Variants in KATNB1 observed in about 807,000 individuals in gnomAD.
The protein encoded by KATNB1 is katanin p80 WD40 repeat-containing subunit B1.
In KATNB1, 38 loss-of-function variants were observed where a neutral mutation model predicts 82.3. That is an observed-to-expected ratio of 0.46 (90% CI 0.36 to 0.61). KATNB1 has a LOEUF of 0.61. Ranked by LOEUF, KATNB1 falls within the 20% of genes least tolerant of loss-of-function variation. KATNB1 has a pLI of 0.00. For synonymous variants in KATNB1, 361 were observed against 368.7 expected, an observed-to-expected ratio of 0.98 and a Z score of 0.24; for missense variants, 749 against 915.7, an observed-to-expected ratio of 0.82 and a Z score of 2.35.
chr16:57,747,127 C>T (rs1183499179), intron 4 of KATNB1, among the ~76,000 whole-genome samples: 1 of 152,162 alleles, frequency 6.6e-6, no homozygotes, highest in Non-Finnish European at 1.5e-5. Context: ...GGTGATCCGC[C>T]CACTTCAGCC....
intron 16 of KATNB1, 33 bp downstream of exon 16, chr16:57,755,527 C>A (rs368534254): frequency 1.3e-6 from 2 of 1,597,666 alleles, no homozygotes; most frequent in South Asian, 1.1e-5. Flanking sequence ...GGCCTCATCT[C>A]GCCCCCCTGC....
intron 13 of KATNB1, among the ~76,000 whole-genome samples, chr16:57,754,297 C>T (rs1285703873): frequency 1.3e-5 from 2 of 152,170 alleles, no homozygotes; most frequent in Non-Finnish European, 2.9e-5. Context: ...ACTGGGGGCC[C>T]ACCTTAGATG....
intron 16 of KATNB1, 43 bp downstream of exon 16, chr16:57,755,537 C>T (rs782713109): frequency 3.8e-6 from 6 of 1,591,208 alleles, no homozygotes; most frequent in Non-Finnish European, 5.1e-6. Context: ...CGCCCCCCTG[C>T]CCCTGCCACC....
rs1216780065 is a variant in KATNB1, at chr16:57,741,916, T to C, written c.171+99T>C. 8.6e-6 allele frequency: 12 copies of C among 1,402,652 alleles called. No individual in the cohort carries two copies. The African/African-American group carries it at 1.7e-4, about 20-fold the overall frequency. 86.9% of individuals were successfully genotyped at this position (1,402,652 alleles called of 1,614,324 possible). On this transcript the variant is annotated intron_variant, in intron 3 of 19. Coordinates refer to ENST00000379661, the MANE Select transcript of KATNB1 (RefSeq NM_005886.3). Reference sequence around the variant, plus strand: ...AGAGTGAGCAGCTTCTCAGACTCTCTTGAGCCCAGGGCCCCCTATCCGCTG... The same window carrying C: ...AGAGTGAGCAGCTTCTCAGACTCTCCTGAGCCCAGGGCCCCCTATCCGCTG...
Position 57,752,940 on chromosome 16 carries a change from A to G in KATNB1, c.855+12A>G. 2.5e-6 allele frequency: 4 copies of G among 1,601,184 alleles called. No homozygotes were observed. The highest frequency in any genetic ancestry group is 3.4e-6 in the Non-Finnish European group (4 of 1,179,342). ...GCAATGACCAGTTGGTGAGAGAGCC[A>G]TGGCACCCACCGCCCCCCACTCCCA... On this transcript the variant is annotated intron_variant, in intron 10 of 19. Coordinates refer to ENST00000379661, the MANE Select transcript of KATNB1 (RefSeq NM_005886.3).
At position 57,751,325 on chromosome 16, in the gene KATNB1, A is replaced by T; in HGVS notation, c.432+23A>T. The T allele has an allele frequency of 6.2e-7, 1 of 1,609,658 alleles. No homozygotes were observed. The highest frequency in any genetic ancestry group is 1.1e-5 in the South Asian group (1 of 90,960). ...AGGGTAAGGATGCGCTCTGTCGGTGACTCCATGAGCACCTTGCGGGCATTG... is the reference window on the plus strand; with the variant it reads ...AGGGTAAGGATGCGCTCTGTCGGTGTCTCCATGAGCACCTTGCGGGCATTG... On this transcript the variant is annotated intron_variant, in intron 6 of 19. Transcript: ENST00000379661. This position sits in a 1 kb window ranked among gnomAD's most constrained non-coding sequence, Gnocchi z 6.3.
chr16:57,750,070 T>C (rs1332647492), intron 4 of KATNB1, among the ~76,000 whole-genome samples: 1 of 152,128 alleles, frequency 6.6e-6, no homozygotes, highest in Non-Finnish European at 1.5e-5. Context: ...TACCACCTCC[T>C]CCATAAAGCC....
chr16:57,752,640 C>A (rs367575589), intron 9 of KATNB1, 39 bp downstream of exon 9: 12 of 1,548,826 alleles, frequency 7.7e-6, no homozygotes, highest in Admixed American at 2.0e-5. Context: ...GCGCTCCTCC[C>A]GGCAGTGGGG....
In KATNB1 at chr16:57,741,778, C is replaced by A; in HGVS notation, c.132C>A (p.Arg44=). Residue 44 remains arginine (R), a synonymous_variant, in exon 3 of 20, where the codon CGC becomes CGA. Transcript: ENST00000379661. ...TGGCTACAGGCGGGGATGACTGCCG[C>A]GTCAACCTGTGGTCCATCAACAAGC... The part of the protein sequence containing the change: ...RLLATGGDDC[R]VNLWSINKPN... The A allele has an allele frequency of 6.2e-7, 1 of 1,613,670 alleles. No individual in the cohort carries two copies. Among genetic ancestry groups the A allele is most frequent in the Non-Finnish European group, 8.5e-7 (1 of 1,179,978 alleles).
chr16:57,755,460 CTG>C lies in KATNB1; in HGVS notation c.1535_1536del (p.Val512AlafsTer52). On this transcript the variant is annotated frameshift_variant, in exon 16 of 20. Transcript: ENST00000379661. LOFTEE classifies it high-confidence loss of function. Reference sequence around the variant, plus strand: ...ACCAGCCGCCACAAGAACCTGGACACTGTGCGGGCTGTGTGGACCATGGGCGA... The same window carrying C: ...ACCAGCCGCCACAAGAACCTGGACACTGCGGGCTGTGTGGACCATGGGCGA... The C allele has an allele frequency of 1.2e-6, 2 of 1,613,402 alleles. No individual in the cohort carries two copies. The highest frequency in any genetic ancestry group is 1.7e-6 in the Non-Finnish European group (2 of 1,180,000).
At chr16:57,737,702 G>C (rs1053053401) in intron 2 of KATNB1, among the ~76,000 whole-genome samples, 6 of 152,142 alleles carry the variant, frequency 3.9e-5, no homozygotes, top group Non-Finnish European at 7.3e-5. Context: ...GGCCTGGGAT[G>C]GGGGAAGGAG....
chr16:57,743,919 G>A (rs1555580495), intron 3 of KATNB1, among the ~76,000 whole-genome samples: 2 of 152,260 alleles, frequency 1.3e-5, no homozygotes, highest in Non-Finnish European at 2.9e-5. Flanking sequence ...GTCAGGGAGA[G>A]CCAGGGGTTC....
chr16:57,756,788 C>A, intron 19 of KATNB1, 26 bp from the exon 20 acceptor site: 1 of 1,515,924 alleles, frequency 6.6e-7, no homozygotes, highest in Non-Finnish European at 8.9e-7. Flanking sequence ...TGCCAGCTAG[C>A]CCCTCAGGCA....
intron 18 of KATNB1, 129 bp from the exon 19 acceptor site, chr16:57,756,227 G>C (rs898045238): frequency 2.7e-6 from 3 of 1,103,854 alleles, no homozygotes; most frequent in East Asian, 2.4e-5. Context: ...AGTGGAAACA[G>C]GCGTGTGTGG....
intron 13 of KATNB1, 47 bp from the exon 14 acceptor site, chr16:57,754,883 C>T: frequency 6.2e-7 from 1 of 1,601,748 alleles, no homozygotes; most frequent in Non-Finnish European, 8.5e-7. Flanking sequence ...GCCCTTCTTG[C>T]CAGGCCCTTC....
intron 4 of KATNB1, among the ~76,000 whole-genome samples, chr16:57,747,518 T>G (rs2049192293): frequency 6.6e-6 from 1 of 152,198 alleles, no homozygotes; most frequent in Non-Finnish European, 1.5e-5. Flanking sequence ...ATGGTCAGTT[T>G]AAGAACAAAA....
rs1388701034 is a variant in KATNB1, at chr16:57,755,342, C to T, written c.1417-3C>T. On this transcript the variant is annotated splice_region_variant and splice_polypyrimidine_tract_variant and intron_variant, in intron 15 of 19. Transcript: ENST00000379661. ...CCAGCATCTGGGTGTCCATCCCACGCAGGCCGTGAAGATCCCCCAGCAGGC... is the reference window on the plus strand; with the variant it reads ...CCAGCATCTGGGTGTCCATCCCACGTAGGCCGTGAAGATCCCCCAGCAGGC... The T allele has an allele frequency of 6.2e-7, 1 of 1,612,864 alleles. No individual in the cohort carries two copies. The highest frequency in any genetic ancestry group is 1.7e-5 in the Admixed American group (1 of 60,002).
Position 57,751,317 on chromosome 16 carries a change from T to C in KATNB1, c.432+15T>C, listed in dbSNP as rs193170835. The C allele has an allele frequency of 2.9e-5, 46 of 1,612,394 alleles. No individual in the cohort carries two copies. The highest frequency in any genetic ancestry group is 3.6e-5 in the Non-Finnish European group (42 of 1,178,592). Reference sequence around the variant, plus strand: ...TCCGATACAGGGTAAGGATGCGCTCTGTCGGTGACTCCATGAGCACCTTGC... The same window carrying C: ...TCCGATACAGGGTAAGGATGCGCTCCGTCGGTGACTCCATGAGCACCTTGC... On this transcript the variant is annotated intron_variant, in intron 6 of 19. Transcript: ENST00000379661. This position sits in a 1 kb window ranked among gnomAD's most constrained non-coding sequence, Gnocchi z 6.3.
chr16:57,739,093 G>A (rs796254684), intron 2 of KATNB1, among the ~76,000 whole-genome samples: 34 of 152,334 alleles, frequency 2.2e-4, no homozygotes, highest in African/African-American at 5.8e-4. Flanking sequence ...CAGGAGGAAT[G>A]TGGGGCCGCA....
Sources: allele counts gnomAD v4.1 joint callset (sites outside exome capture counted in the v4.1 genomes callset), GRCh38; gene constraint gnomAD v4.1.1; non-coding constraint Gnocchi (gnomAD v3.1); transcripts MANE v1.5; gene names NCBI Gene and HGNC (gene_info 2026-07-23, HGNC 2026-07-21).